Variants in SATB2 observed in about 807,000 individuals in gnomAD.
The protein encoded by SATB2 is SATB homeobox 2.
Under a neutral mutation model 73.4 loss-of-function variants are expected in SATB2, and 1 was observed. The ratio of observed to expected loss-of-function variants is 0.01; its 90% CI spans 0.00 to 0.06. The LOEUF is 0.06. SATB2 is among the 10% of genes least tolerant of loss of function. SATB2 has a pLI of 1.00. For synonymous variants in SATB2, 397 were observed against 367.0 expected, an observed-to-expected ratio of 1.08 and a Z score of -0.93; for missense variants, 459 against 945.8, an observed-to-expected ratio of 0.49 and a Z score of 6.75.
At chr2:199,415,491 T>C (rs1690950927) in intron 3 of SATB2, among the ~76,000 whole-genome samples, 1 of 152,226 alleles carries the variant, frequency 6.6e-6, no homozygotes, top group African/African-American at 2.4e-5. Flanking sequence ...TGTATTGCTA[T>C]AAGAAGAATT....
intron 7 of SATB2, among the ~76,000 whole-genome samples, chr2:199,333,390 C>T (rs1688244913): frequency 6.6e-6 from 1 of 151,894 alleles, no homozygotes; most frequent in Non-Finnish European, 1.5e-5. Flanking sequence ...TTATCAACTG[C>T]AGGATTCAGG....
chr2:199,419,578 T>C (rs1228142154), intron 3 of SATB2, among the ~76,000 whole-genome samples: 3 of 152,210 alleles, frequency 2.0e-5, no homozygotes, highest in Admixed American at 1.3e-4. Context: ...GGGATGTCCA[T>C]GTGAAAGCAG....
chr2:199,433,285 C>CA lies in SATB2; in HGVS notation c.346+52_346+53insT, dbSNP rs951278966. 5.8e-6 allele frequency: 9 copies of CA among 1,550,498 alleles called. No individual in the cohort carries two copies. The African/African-American group carries it at 8.2e-5, about 14-fold the overall frequency. ...AACTATTTCAGAAAACATATTCTTC[C>CA]TCAAATTATGACACACAAGAGACTT... On this transcript the variant is annotated intron_variant, in intron 3 of 10. Coordinates refer to ENST00000417098, the MANE Select transcript of SATB2 (RefSeq NM_001172509.2).
intron 3 of SATB2, among the ~76,000 whole-genome samples, chr2:199,400,636 A>G (rs1690443539): frequency 6.6e-6 from 1 of 152,258 alleles, no homozygotes; most frequent in Non-Finnish European, 1.5e-5. Flanking sequence ...TGAAGAGTCT[A>G]TTTGTGGCAA....
chr2:199,313,331 G>A (rs1687645308), intron 9 of SATB2, among the ~76,000 whole-genome samples: 1 of 152,170 alleles, frequency 6.6e-6, no homozygotes, highest in South Asian at 2.1e-4. Context: ...TGGAGCCTAA[G>A]TGTAATAATA....
At chr2:199,334,200 A>C (rs1688270629) in intron 7 of SATB2, among the ~76,000 whole-genome samples, 1 of 152,188 alleles carries the variant, frequency 6.6e-6, no homozygotes, top group Non-Finnish European at 1.5e-5. Flanking sequence ...CTATGCTAAA[A>C]GTAAAATCAT....
At position 199,320,943 on chromosome 2, in the gene SATB2, G is replaced by A. The variant is rs538753091; in HGVS notation, c.1542+2860C>T. ...AAGGTTGCTATGCATATTTGAACTC[G>A]GCCTTCAGGGATTCAAGGCAACTCC... On this transcript the variant is annotated intron_variant, in intron 9 of 10. Coordinates refer to ENST00000417098, the MANE Select transcript of SATB2 (RefSeq NM_001172509.2). Among the ~76,000 whole-genome samples, 56 of 151,766 alleles carry A rather than the reference G, an allele frequency of 3.7e-4. No homozygotes were observed. The South Asian group carries it at 6.6e-3, about 18-fold the overall frequency.
intron 3 of SATB2, among the ~76,000 whole-genome samples, chr2:199,431,382 T>C (rs1691496357): frequency 6.6e-6 from 1 of 152,218 alleles, no homozygotes; most frequent in South Asian, 2.1e-4. Context: ...AGCAGCCTAA[T>C]TTAAAACAAA....
In SATB2 at chr2:199,303,589, G is replaced by T. The variant is rs560469608; in HGVS notation, c.1740+5171C>A. Among the ~76,000 whole-genome samples, 27 of 152,188 alleles carry T rather than the reference G, an allele frequency of 1.8e-4. No individual in the cohort carries two copies. The South Asian group carries it at 5.4e-3, about 30-fold the overall frequency. ...TGGGGGGTTGCCCTGTGCATGGTGG[G>T]ATATTTGGCAGCATCTCTGACCTCT... On this transcript the variant is annotated intron_variant, in intron 10 of 10. Transcript: ENST00000417098.
At chr2:199,303,129 A>C (rs1339846349) in intron 10 of SATB2, among the ~76,000 whole-genome samples, 1 of 152,226 alleles carries the variant, frequency 6.6e-6, no homozygotes, top group Non-Finnish European at 1.5e-5. Context: ...AGTGCTTTCC[A>C]GCACATGATA....
At chr2:199,369,543 G>A (rs1326478998) in intron 5 of SATB2, among the ~76,000 whole-genome samples, 3 of 152,258 alleles carry the variant, frequency 2.0e-5, no homozygotes, top group East Asian at 3.9e-4. Flanking sequence ...TGAAATGACT[G>A]TGTATGTTTT....
At chr2:199,428,107 C>A (rs552264390) in intron 3 of SATB2, among the ~76,000 whole-genome samples, 26 of 152,116 alleles carry the variant, frequency 1.7e-4, no homozygotes, top group Non-Finnish European at 8.8e-5. Context: ...TGATAAGAAA[C>A]TTCTAGATTA....
At chr2:199,293,546 C>T (rs982655793) in intron 10 of SATB2, among the ~76,000 whole-genome samples, 18 of 152,006 alleles carry the variant, frequency 1.2e-4, no homozygotes, top group African/African-American at 2.7e-4. Context: ...AAAATATGAG[C>T]CTTAATGCAT....
chr2:199,398,567 G>A (rs997126709), intron 3 of SATB2, among the ~76,000 whole-genome samples: 11 of 152,114 alleles, frequency 7.2e-5, no homozygotes, highest in South Asian at 6.2e-4. Flanking sequence ...AGAATCAGAT[G>A]ACCAAGTCAC....
At chr2:199,277,628 T>C (rs917390638) in intron 10 of SATB2, among the ~76,000 whole-genome samples, 2 of 152,210 alleles carry the variant, frequency 1.3e-5, no homozygotes, top group African/African-American at 4.8e-5. Flanking sequence ...TTCTTTTTCA[T>C]AGCTTCTGCT....
At position 199,271,151 on chromosome 2, in the gene SATB2, C is replaced by G. The variant is rs1692143468; in HGVS notation, c.*1060G>C. Reference sequence around the variant, plus strand: ...AACAAACAACTTTTAAACGAGCAGGCTTATTAATTTTCAGATTTGAAGCCA... The same window carrying G: ...AACAAACAACTTTTAAACGAGCAGGGTTATTAATTTTCAGATTTGAAGCCA... On this transcript the variant is annotated 3_prime_UTR_variant, in exon 11 of 11. Transcript: ENST00000417098. 1 of 152,656 alleles carries G rather than the reference C, an allele frequency of 6.6e-6. No homozygotes were observed. Among genetic ancestry groups the G allele is most frequent in the Non-Finnish European group, 1.5e-5 (1 of 68,004 alleles). The allele number at this position is 152,656 out of a possible 1,614,324, so 9.5% of individuals were successfully genotyped here.
chr2:199,378,704 A>G (rs543681502), intron 5 of SATB2, among the ~76,000 whole-genome samples: 2 of 152,196 alleles, frequency 1.3e-5, no homozygotes, highest in Non-Finnish European at 2.9e-5. Flanking sequence ...AGTTCACATC[A>G]TATCTCAATA....
At chr2:199,467,480 G>A (rs1173427501), upstream of SATB2, 2 of 152,268 alleles carry the variant, frequency 1.3e-5, no homozygotes, top group African/African-American at 4.8e-5. Context: ...CGGACAAGTG[G>A]AGTGTAAAAT....
intron 3 of SATB2, among the ~76,000 whole-genome samples, chr2:199,415,633 T>A (rs1239425505): frequency 6.6e-6 from 1 of 152,228 alleles, no homozygotes; most frequent in African/African-American, 2.4e-5. Flanking sequence ...ACTTCATTCA[T>A]CAGAAGTTTG....
Sources: allele counts gnomAD v4.1 joint callset (sites outside exome capture counted in the v4.1 genomes callset), GRCh38; gene constraint gnomAD v4.1.1; transcripts MANE v1.5; gene names NCBI Gene and HGNC (gene_info 2026-07-23, HGNC 2026-07-21).